The following MYOZ2 variants were observed in gnomAD, a reference collection of about 807,000 sequenced individuals.
MYOZ2 encodes the protein myozenin 2, also known as myozenin-2.
MYOZ2 carries 19 observed loss-of-function variants against 25.4 expected under a neutral mutation model. The ratio of observed to expected loss-of-function variants is 0.75; its 90% CI spans 0.52 to 1.10. MYOZ2 has a LOEUF of 1.10. Ranked by LOEUF, MYOZ2 falls within the 50% of genes least tolerant of loss-of-function variation. The probability of loss-of-function intolerance (pLI) is 0.00; values close to 1 mark genes in which losing one functional copy is unlikely to be tolerated. For missense variants in MYOZ2, 270 were observed against 317.9 expected, an observed-to-expected ratio of 0.85 and a Z score of 1.15; for synonymous variants, 92 against 106.9, an observed-to-expected ratio of 0.86 and a Z score of 0.86.
At chr4:119,152,772 AT>A (rs1578731423) in intron 3 of MYOZ2, among the ~76,000 whole-genome samples, 2 of 152,184 alleles carry the variant, frequency 1.3e-5, no homozygotes, top group East Asian at 3.8e-4. Context: ...ATAATAATAT[AT>A]GCAATAAAGT....
chr4:119,143,267 C>T (rs907842907), intron 2 of MYOZ2, among the ~76,000 whole-genome samples: 5 of 151,878 alleles, frequency 3.3e-5, no homozygotes, highest in Non-Finnish European at 5.9e-5. Context: ...CTGATCTCAG[C>T]TCACTGCAAC....
chr4:119,137,050 A>C (rs1489682956), intron 2 of MYOZ2, among the ~76,000 whole-genome samples: 2 of 152,086 alleles, frequency 1.3e-5, no homozygotes, highest in Non-Finnish European at 2.9e-5. Flanking sequence ...TGGAATTCAT[A>C]TTTATTGCTT....
At chr4:119,138,854 A>G (rs975058013) in intron 2 of MYOZ2, among the ~76,000 whole-genome samples, 2 of 152,190 alleles carry the variant, frequency 1.3e-5, no homozygotes, top group African/African-American at 4.8e-5. Context: ...TGGAAATTCA[A>G]TCCCATTCTT....
chr4:119,178,637 C>T (rs1227297970), intron 5 of MYOZ2, among the ~76,000 whole-genome samples: 4 of 152,122 alleles, frequency 2.6e-5, no homozygotes, highest in Admixed American at 1.3e-4. Context: ...GTTGGAGTCT[C>T]GCTCTGTCGC....
chr4:119,152,359 G>T (rs963910378), intron 3 of MYOZ2, among the ~76,000 whole-genome samples: 2 of 151,996 alleles, frequency 1.3e-5, no homozygotes, highest in Non-Finnish European at 2.9e-5. Context: ...AATAGAGAAG[G>T]CTCTCTATGG....
intron 2 of MYOZ2, among the ~76,000 whole-genome samples, chr4:119,138,351 A>G (rs991551895): frequency 6.6e-6 from 1 of 152,212 alleles, no homozygotes; most frequent in Non-Finnish European, 1.5e-5. Flanking sequence ...AAATAACTTC[A>G]GTACTTTATG....
chr4:119,155,026 A>C (rs1334393993), intron 3 of MYOZ2, among the ~76,000 whole-genome samples: 1 of 152,088 alleles, frequency 6.6e-6, no homozygotes. Flanking sequence ...GCTTCTGGTA[A>C]GGGCCCCTGG....
intron 5 of MYOZ2, among the ~76,000 whole-genome samples, chr4:119,178,687 A>G (rs1742128470): frequency 6.6e-6 from 1 of 152,054 alleles, no homozygotes; most frequent in African/African-American, 2.4e-5. Flanking sequence ...GCTCACTGCA[A>G]TCTCTGCCTC....
chr4:119,151,568 A>T (rs1474898303), intron 3 of MYOZ2, among the ~76,000 whole-genome samples: 1 of 152,144 alleles, frequency 6.6e-6, no homozygotes, highest in Admixed American at 6.5e-5. Context: ...AACTCTTTGG[A>T]CAGAGATTTC....
Sources: gnomAD v4.1 joint callset for allele counts (sites outside exome capture counted in the v4.1 genomes callset) on GRCh38, gnomAD v4.1.1 for gene constraint, MANE v1.5 for transcripts, NCBI Gene and HGNC (gene_info 2026-07-23, HGNC 2026-07-21) for gene names.